Variants in NRIP2 observed in about 807,000 individuals in gnomAD.
The protein encoded by NRIP2 is nuclear receptor interacting protein 2.
In NRIP2, 27 loss-of-function variants were observed where a neutral mutation model predicts 34.1. The observed-to-expected ratio is 0.79, with a 90% CI of 0.58 to 1.09. The LOEUF is 1.09. Ranked by LOEUF, NRIP2 falls within the 50% of genes least tolerant of loss-of-function variation. The pLI is 0.00. For synonymous variants in NRIP2, 145 were observed against 146.9 expected, an observed-to-expected ratio of 0.99 and a Z score of 0.09; for missense variants, 385 against 352.6, an observed-to-expected ratio of 1.09 and a Z score of -0.74.
intron 2 of NRIP2, among the ~76,000 whole-genome samples, chr12:2,828,784 G>A (rs1490196826): frequency 6.6e-6 from 1 of 152,176 alleles, no homozygotes; most frequent in Non-Finnish European, 1.5e-5. Flanking sequence ...GGAGGTTGTG[G>A]TGAGCCAAGA....
chr12:2,830,585 T>C, intron 2 of NRIP2, 123 bp downstream of exon 2: 1 of 1,072,892 alleles, frequency 9.3e-7, no homozygotes, highest in South Asian at 1.7e-5. Context: ...AGGTCCAGGC[T>C]AGGGAGAGAG....
chr12:2,827,285 C>T lies in NRIP2; in HGVS notation c.768G>A (p.Leu256=), dbSNP rs754790780. The T allele has an allele frequency of 6.2e-7, 1 of 1,613,824 alleles. No individual in the cohort carries two copies. Among genetic ancestry groups the T allele is most frequent in the South Asian group, 1.1e-5 (1 of 91,070 alleles). ...TLLSLKCCID[L]EHGVLRLKAP... ...CTTTCAGCCGCAGCACTCCGTGCTC[C>T]AGGTCGATGCAGCACTGCGGGGTGT... is the stretch of plus-strand genomic sequence containing the variant. Residue 256 remains leucine, a synonymous_variant, in exon 6 of 6, where the codon CTG becomes CTA. Coordinates refer to ENST00000337508, the MANE Select transcript of NRIP2 (RefSeq NM_031474.3). This position sits in a 1 kb window ranked among gnomAD's most constrained non-coding sequence, Gnocchi z 4.0.
At chr12:2,829,806 G>T (rs974689442) in intron 2 of NRIP2, among the ~76,000 whole-genome samples, 1 of 150,738 alleles carries the variant, frequency 6.6e-6, no homozygotes, top group Non-Finnish European at 1.5e-5. Flanking sequence ...CGAGGGGTGC[G>T]GTGGCTCACG....
Position 2,830,698 on chromosome 12 carries a change from G to A in NRIP2, c.495+10C>T. 2.5e-6 allele frequency: 4 copies of A among 1,604,648 alleles called. No individual in the cohort carries two copies. Among genetic ancestry groups the A allele is most frequent in the Non-Finnish European group, 3.4e-6 (4 of 1,175,902 alleles). On this transcript the variant is annotated intron_variant, in intron 2 of 5. Transcript: ENST00000337508. ...TGTTAATGAAAGTGTGTCCCTGGGA[G>A]GCCTCTCACCTTGCAGTTGACCAGA...
chr12:2,828,704 T>C (rs955476116), intron 2 of NRIP2, among the ~76,000 whole-genome samples: 10 of 152,102 alleles, frequency 6.6e-5, no homozygotes, highest in Admixed American at 2.6e-4. Context: ...TAGCTGGGTG[T>C]GGTGGCGCAT....
In NRIP2 at chr12:2,830,835, C is replaced by T. The variant is rs1456072196; in HGVS notation, c.368G>A (p.Arg123His). 8 of 1,613,406 alleles carry T rather than the reference C, an allele frequency of 5.0e-6. No homozygotes were observed. Among genetic ancestry groups the T allele is most frequent in the East Asian group, 2.2e-5 (1 of 44,860 alleles). ...CCAATTCGGGTTTCCCTCCACCAGG[C>T]GTCTTTGGATCACACTGCGCGGCTG... The part of the protein sequence containing the change: ...DLQPRSVIQR[R>H]LVEGNPNWLQ... Residue 123 changes from arginine (R) to histidine (H), a missense_variant, in exon 2 of 6, where the codon CGC (arginine) becomes CAC (histidine). By Grantham distance (29) the Arg-to-His change is conservative. Transcript: ENST00000337508.
Position 2,827,552 on chromosome 12 carries a change from T to TC in NRIP2, c.753+72dup. 1 of 1,609,350 alleles carries TC rather than the reference T, an allele frequency of 6.2e-7. No individual in the cohort carries two copies. The highest frequency in any genetic ancestry group is 8.5e-7 in the Non-Finnish European group (1 of 1,178,218). ...CTAAGTCACTCTCATCAGAACCTGGTCCAGGTTCCACACCTGTGCCTTCTA... is the reference window on the plus strand; with the variant it reads ...CTAAGTCACTCTCATCAGAACCTGGTCCCAGGTTCCACACCTGTGCCTTCTA... On this transcript the variant is annotated intron_variant, in intron 5 of 5. Coordinates refer to ENST00000337508, the MANE Select transcript of NRIP2 (RefSeq NM_031474.3). This position sits in a 1 kb window ranked among gnomAD's most constrained non-coding sequence, Gnocchi z 4.0.
Position 2,827,384 on chromosome 12 carries a change from C to T in NRIP2, c.754-85G>A, listed in dbSNP as rs763224793. 3.2e-5 allele frequency: 49 copies of T among 1,533,262 alleles called. No individual in the cohort carries two copies. The highest frequency in any genetic ancestry group is 3.7e-5 in the Non-Finnish European group (42 of 1,146,238). The allele number at this position is 1,533,262 out of a possible 1,614,324, so 95.0% of individuals were successfully genotyped here. ...GCTCCTTTTGTTCCCCCTCCCACTT[C>T]CCACAGCTTCCACCTGCCTTTTGCT... On this transcript the variant is annotated intron_variant, in intron 5 of 5. Coordinates refer to ENST00000337508, the MANE Select transcript of NRIP2 (RefSeq NM_031474.3). This position sits in a 1 kb window ranked among gnomAD's most constrained non-coding sequence, Gnocchi z 4.0.
chr12:2,831,797 A>G (rs1175735080), intron 1 of NRIP2, among the ~76,000 whole-genome samples: 8 of 151,712 alleles, frequency 5.3e-5, no homozygotes, highest in East Asian at 1.9e-4. Flanking sequence ...GGATCTTGCT[A>G]TGCTGCCCAG....
intron 2 of NRIP2, 32 bp from the exon 3 acceptor site, chr12:2,828,446 G>A: frequency 6.5e-7 from 1 of 1,542,456 alleles, no homozygotes; most frequent in Non-Finnish European, 8.9e-7. Flanking sequence ...GAATCAGTGA[G>A]TCCCTAGGAG....
chr12:2,827,104 G>T lies in NRIP2; in HGVS notation c.*103C>A. On this transcript the variant is annotated 3_prime_UTR_variant, in exon 6 of 6. Coordinates refer to ENST00000337508, the MANE Select transcript of NRIP2 (RefSeq NM_031474.3). This position sits in a 1 kb window ranked among gnomAD's most constrained non-coding sequence, Gnocchi z 4.0. ...GGTCAGGGAGGTGATTGGAAGGGCA[G>T]ACACCATAGTCCCCAGCTACCTGGC... 6.4e-7 allele frequency: 1 copy of T among 1,564,114 alleles called. No individual in the cohort carries two copies. The highest frequency in any genetic ancestry group is 1.2e-5 in the South Asian group (1 of 84,842).
At chr12:2,832,061 T>G (rs2098005933) in intron 1 of NRIP2, among the ~76,000 whole-genome samples, 1 of 152,132 alleles carries the variant, frequency 6.6e-6, no homozygotes, top group Admixed American at 6.5e-5. Context: ...TACTCCAAAA[T>G]GTGGTCCTCA....
rs2098005117 is a variant in NRIP2, at chr12:2,831,896, C to G, written c.343-1036G>C. Among the ~76,000 whole-genome samples the G allele has an allele frequency of 2.0e-5, 3 of 152,126 alleles. No homozygotes were observed. The South Asian group carries it at 6.2e-4, about 32-fold the overall frequency. ...AAAAGCATATGCCACAGTACCTGGC[C>G]TCCATCCTTCCTTTCTGTTACTGCC... On this transcript the variant is annotated intron_variant, in intron 1 of 5. Transcript: ENST00000337508.
chr12:2,828,873 A>C (rs1277206421), intron 2 of NRIP2, among the ~76,000 whole-genome samples: 1 of 152,012 alleles, frequency 6.6e-6, no homozygotes, highest in African/African-American at 2.4e-5. Context: ...TTTTTATGAG[A>C]CTCATACAAT....
At chr12:2,828,491 C>T in intron 2 of NRIP2, 77 bp from the exon 3 acceptor site, 2 of 1,094,506 alleles carry the variant, frequency 1.8e-6, no homozygotes, top group South Asian at 1.3e-5. Flanking sequence ...GTTTCCCAGC[C>T]CATTGATGAT....
intron 2 of NRIP2, among the ~76,000 whole-genome samples, chr12:2,829,698 T>C: frequency 6.6e-6 from 1 of 152,016 alleles, no homozygotes; most frequent in African/African-American, 2.4e-5. Context: ...GTCCAGGAGG[T>C]TGAGGCTGCA....
At position 2,830,816 on chromosome 12, in the gene NRIP2, C is replaced by T. The variant is rs201091942; in HGVS notation, c.387G>A (p.Pro129=). The part of the protein sequence containing the change: ...VIQRRLVEGN[P]NWLQGEPPRM... ...GGGGAGGCTCCCCCTGAAGCCAATT[C>T]GGGTTTCCCTCCACCAGGCGTCTTT... The change falls in exon 2 of 6, where the codon CCG becomes CCA. Residue 129 remains proline, a synonymous_variant. Coordinates refer to ENST00000337508, the MANE Select transcript of NRIP2 (RefSeq NM_031474.3). The T allele has an allele frequency of 2.3e-5, 37 of 1,613,700 alleles. 1 individual carries two copies. The highest frequency in any genetic ancestry group is 6.7e-5 in the East Asian group (3 of 44,846).
chr12:2,828,362 C>G lies in NRIP2; in HGVS notation c.548G>C (p.Arg183Pro), dbSNP rs142486594. The G allele has an allele frequency of 1.1e-4, 179 of 1,614,020 alleles. No individual in the cohort carries two copies. The highest frequency in any genetic ancestry group is 1.5e-4 in the Non-Finnish European group (177 of 1,180,044). ...VAVDTGTQYN[R>P]ISAGCLSRLG... is the part of the protein sequence containing the mutation. Reference sequence around the variant, plus strand: ...GCGGCTGAGACATCCAGCAGAGATCCGATTGTATTGGGTGCCTGTGTCAAC... The same window carrying G: ...GCGGCTGAGACATCCAGCAGAGATCGGATTGTATTGGGTGCCTGTGTCAAC... Residue 183 changes from arginine (R) to proline (P), a missense_variant, in exon 3 of 6, where the codon CGG (arginine) becomes CCG (proline). Arg to Pro is a moderately radical substitution (Grantham distance 103). Coordinates refer to ENST00000337508, the MANE Select transcript of NRIP2 (RefSeq NM_031474.3).
At position 2,830,668 on chromosome 12, in the gene NRIP2, A is replaced by G. The variant is rs748292400; in HGVS notation, c.495+40T>C. The stretch of plus-strand genomic sequence containing the variant: ...GAGAGCAGGTGAAGTGAGTGCAGGC[A>G]GGGTTGTTAATGAAAGTGTGTCCCT... On this transcript the variant is annotated intron_variant, in intron 2 of 5. Transcript: ENST00000337508. The G allele has an allele frequency of 3.8e-6, 6 of 1,580,084 alleles. No homozygotes were observed. The East Asian group carries it at 1.4e-4, about 36-fold the overall frequency.
Sources: allele counts gnomAD v4.1 joint callset (sites outside exome capture counted in the v4.1 genomes callset), GRCh38; gene constraint gnomAD v4.1.1; non-coding constraint Gnocchi (gnomAD v3.1); transcripts MANE v1.5; gene names NCBI Gene and HGNC (gene_info 2026-07-23, HGNC 2026-07-21).